GREB1L: variants seen among roughly 807,000 people sequenced by gnomAD.
The protein encoded by GREB1L is GREB1 like retinoic acid receptor coactivator, also known as GREB1-like protein.
GREB1L carries 17 observed loss-of-function variants against 200.8 expected under a neutral mutation model. The observed-to-expected ratio is 0.08, with a 90% CI of 0.06 to 0.13. The LOEUF (loss-of-function observed/expected upper bound fraction) is 0.13. GREB1L is among the 10% of genes least tolerant of loss of function. The pLI is 1.00. For synonymous variants in GREB1L, 789 were observed against 893.0 expected (o/e 0.88, Z 2.08); for missense variants, 1,657 against 2,367.7 (o/e 0.70, Z 6.23).
chr18:21,285,935 G>A (rs1159820245), intron 1 of GREB1L, among the ~76,000 whole-genome samples: 1 of 152,168 alleles, frequency 6.6e-6, no homozygotes, highest in Non-Finnish European at 1.5e-5. Flanking sequence ...TTAATAGACA[G>A]CATTTAATAG....
intron 1 of GREB1L, among the ~76,000 whole-genome samples, chr18:21,326,957 C>CA (rs540379578): frequency 2.6e-4 from 39 of 152,082 alleles, no homozygotes; most frequent in East Asian, 2.1e-3. Context: ...CTGGCTGTAT[C>CA]AGGCTTAAAG....
chr18:21,438,862 G>A (rs1412002821), intron 7 of GREB1L, among the ~76,000 whole-genome samples: 3 of 150,200 alleles, frequency 2.0e-5, no homozygotes, highest in Non-Finnish European at 4.4e-5. Context: ...TCGGGAGGCT[G>A]AGGCAGGAGA....
chr18:21,278,388 A>AAAAT lies in GREB1L; in HGVS notation c.-120+35998_-120+35999insTAAA, dbSNP rs1555624387. On this transcript the variant is annotated intron_variant, in intron 1 of 32. Transcript: ENST00000424526. ...AGAGCAAGACTCCATCTCAAAAAAA[A>AAAAT]AAAATAAATAAATAAATAAATAAAT... Among the ~76,000 whole-genome samples the AAAAT allele has an allele frequency of 5.0e-4, 69 of 138,440 alleles. 1 individual carries two copies. Among genetic ancestry groups the AAAAT allele is most frequent in the African/African-American group, 1.3e-3 (43 of 33,208 alleles). 90.8% of individuals were successfully genotyped at this position (138,440 alleles called of 152,430 possible).
At chr18:21,391,419 C>A (rs987947931) in intron 4 of GREB1L, among the ~76,000 whole-genome samples, 2 of 152,208 alleles carry the variant, frequency 1.3e-5, no homozygotes, top group Admixed American at 6.5e-5. Context: ...TGTGAAAGTA[C>A]ACTCTATGAT....
intron 2 of GREB1L, among the ~76,000 whole-genome samples, chr18:21,368,319 C>T (rs1185504368): frequency 2.6e-5 from 4 of 152,082 alleles, no homozygotes; most frequent in Non-Finnish European, 5.9e-5. Flanking sequence ...TAGAGCAAAC[C>T]CACAGCTGTT....
At position 21,500,278 on chromosome 18, in the gene GREB1L, G is replaced by A; in HGVS notation, c.3941G>A (p.Arg1314Gln). The A allele has an allele frequency of 1.4e-6, 2 of 1,398,290 alleles. No individual in the cohort carries two copies. Among genetic ancestry groups the A allele is most frequent in the South Asian group, 1.2e-5 (1 of 81,298 alleles). The allele number at this position is 1,398,290 out of a possible 1,614,324, so 86.6% of individuals were successfully genotyped here. The change falls in exon 22 of 33, where the codon CGA (arginine) becomes CAA (glutamine). Residue 1314 changes from arginine (R) to glutamine (Q), a missense_variant. Around this residue, in one of 9 missense-constraint regions of GREB1L, gnomAD observed 512 missense variants for 668.3 expected, o/e 0.77. Transcript: ENST00000424526. The part of the protein sequence containing the change: ...PASGTRNFHP[R>Q]RLLLTGPPQV... ...TCTGGCACCCGAAACTTCCACCCCCGACGGCTCCTGCTGACAGGGCCCCCA... is the reference window on the plus strand; with the variant it reads ...TCTGGCACCCGAAACTTCCACCCCCAACGGCTCCTGCTGACAGGGCCCCCA...
At chr18:21,386,645 A>C (rs1463530560) in intron 4 of GREB1L, among the ~76,000 whole-genome samples, 3 of 138,288 alleles carry the variant, frequency 2.2e-5, no homozygotes, top group African/African-American at 8.5e-5. Flanking sequence ...CTGGGACTAC[A>C]GGCGCCCGCT....
intron 7 of GREB1L, among the ~76,000 whole-genome samples, chr18:21,420,374 G>GAA (rs1243937747): frequency 1.8e-5 from 2 of 109,664 alleles, no homozygotes; most frequent in African/African-American, 3.4e-5. Context: ...ACTCCATCTC[G>GAA]AAAAAAAAAA....
intron 32 of GREB1L, among the ~76,000 whole-genome samples, chr18:21,521,306 G>A (rs1358245701): frequency 6.6e-6 from 1 of 151,944 alleles, no homozygotes; most frequent in East Asian, 1.9e-4. Flanking sequence ...GGAAGGCAGA[G>A]GTTGCAGTGA....
rs2037667465 is a variant in GREB1L, at chr18:21,525,368, G to A, written c.*2547G>A. ...GTCTTGTGTCTACTGTTATATTTTT[G>A]TCCTTTGATTTAATTTGCTTAATGT... On this transcript the variant is annotated 3_prime_UTR_variant, in exon 33 of 33. Transcript: ENST00000424526. 6.6e-6 allele frequency: 1 copy of A among 151,984 alleles called. No individual in the cohort carries two copies. The allele number at this position is 151,984 out of a possible 1,614,324, so 9.4% of individuals were successfully genotyped here.
chr18:21,346,270 A>T (rs1396350177), intron 1 of GREB1L, among the ~76,000 whole-genome samples: 1 of 152,088 alleles, frequency 6.6e-6, no homozygotes, highest in African/African-American at 2.4e-5. Flanking sequence ...GGCTATCATG[A>T]CCACTCACTA....
At chr18:21,304,516 TA>T (rs200474300) in intron 1 of GREB1L, among the ~76,000 whole-genome samples, 13 of 148,828 alleles carry the variant, frequency 8.7e-5, no homozygotes, top group Admixed American at 6.7e-5. Context: ...TTGGATTATT[TA>T]AAAAAAAAAG....
intron 30 of GREB1L, 111 bp from the exon 31 acceptor site, chr18:21,517,923 A>T: frequency 1.3e-6 from 1 of 777,364 alleles, no homozygotes; most frequent in Non-Finnish European, 2.1e-6. Context: ...AGCACCCCTC[A>T]CTGTGCTACT....
At chr18:21,345,082 T>C (rs1025395665) in intron 1 of GREB1L, among the ~76,000 whole-genome samples, 2 of 152,162 alleles carry the variant, frequency 1.3e-5, no homozygotes, top group Non-Finnish European at 2.9e-5. Flanking sequence ...GTCCCATTAA[T>C]TGCCTTGACT....
intron 15 of GREB1L, among the ~76,000 whole-genome samples, chr18:21,464,390 A>G (rs1444248605): frequency 1.3e-5 from 2 of 152,058 alleles, no homozygotes; most frequent in African/African-American, 2.4e-5. Context: ...CTATAAATAC[A>G]AAAATTAGCC....
At chr18:21,512,770 T>C (rs747453709) in intron 27 of GREB1L, among the ~76,000 whole-genome samples, 2 of 152,140 alleles carry the variant, frequency 1.3e-5, no homozygotes, top group African/African-American at 2.4e-5. Flanking sequence ...TCTTTCACCA[T>C]TGACTATGAT....
At chr18:21,276,319 C>A (rs2038162927) in intron 1 of GREB1L, among the ~76,000 whole-genome samples, 1 of 152,212 alleles carries the variant, frequency 6.6e-6, no homozygotes, top group East Asian at 1.9e-4. Flanking sequence ...ACCATTTATT[C>A]TTCTTTGCTC....
At chr18:21,449,461 C>T in intron 11 of GREB1L, 49 bp from the exon 12 acceptor site, 1 of 1,151,522 alleles carries the variant, frequency 8.7e-7, no homozygotes, top group African/African-American at 1.5e-5. Context: ...GTGTGTGTCT[C>T]TCCTCCCTGT....
At chr18:21,510,283 C>T (rs1001317000) in intron 27 of GREB1L, among the ~76,000 whole-genome samples, 31 of 151,816 alleles carry the variant, frequency 2.0e-4, no homozygotes, top group African/African-American at 7.2e-4. Flanking sequence ...TAAGTACATT[C>T]ACATTGTTTT....
Sources: gnomAD v4.1 joint callset for allele counts (sites outside exome capture counted in the v4.1 genomes callset) on GRCh38, gnomAD v4.1.1 for gene constraint, gnomAD v4.1.1 regional missense constraint, MANE v1.5 for transcripts, NCBI Gene and HGNC (gene_info 2026-07-23, HGNC 2026-07-21) for gene names.